ASTN2: variants seen among roughly 807,000 people sequenced by gnomAD.
ASTN2 encodes the protein astrotactin-2.
In ASTN2, 54 loss-of-function variants were observed where a neutral mutation model predicts 139.8. The observed-to-expected ratio is 0.39, with a 90% confidence interval of 0.31 to 0.48. The LOEUF is 0.48. ASTN2 is among the 20% of genes least tolerant of loss of function. The probability of loss-of-function intolerance (pLI) is 0.95; values close to 1 mark genes in which losing one functional copy is unlikely to be tolerated. For synonymous variants in ASTN2, 756 were observed against 719.5 expected (o/e 1.05, Z -0.81); for missense variants, 1,565 against 1,725.1 (o/e 0.91, Z 1.64).
intron 3 of ASTN2, among the ~76,000 whole-genome samples, chr9:117,157,633 C>T (rs759330278): frequency 6.6e-6 from 1 of 151,898 alleles, no homozygotes; most frequent in African/African-American, 2.4e-5. Context: ...TATGGTATAT[C>T]AAAGAAGAAT....
intron 19 of ASTN2, among the ~76,000 whole-genome samples, chr9:116,602,247 T>G (rs1477204069): frequency 6.6e-6 from 1 of 152,152 alleles, no homozygotes. Context: ...AGTGAACCAT[T>G]GTAGGCTATA....
intron 1 of ASTN2, among the ~76,000 whole-genome samples, chr9:117,344,832 C>A (rs962089030): frequency 6.6e-6 from 1 of 152,146 alleles, no homozygotes; most frequent in African/African-American, 2.4e-5. Context: ...GTGTGCAATA[C>A]TAATGTGAAT....
intron 7 of ASTN2, among the ~76,000 whole-genome samples, chr9:116,999,444 T>C (rs1837121554): frequency 6.6e-6 from 1 of 151,776 alleles, no homozygotes. Flanking sequence ...GTATGTAACA[T>C]ACTCAAGGTC....
intron 16 of ASTN2, among the ~76,000 whole-genome samples, chr9:116,707,285 C>CAAAA (rs766053427): frequency 0.044 from 2,690 of 60,550 alleles, 261 homozygotes; most frequent in African/African-American, 0.091. Flanking sequence ...GCCCCCTGAC[C>CAAAA]AAAAAAAAAA....
At chr9:117,053,154 C>T (rs1009453305) in intron 5 of ASTN2, among the ~76,000 whole-genome samples, 2 of 152,100 alleles carry the variant, frequency 1.3e-5, no homozygotes, top group Non-Finnish European at 2.9e-5. Flanking sequence ...TAAAACAATC[C>T]TCTGTGTAGG....
At chr9:116,880,495 A>AAAAT (rs959838211) in intron 10 of ASTN2, among the ~76,000 whole-genome samples, 7 of 152,182 alleles carry the variant, frequency 4.6e-5, no homozygotes, top group Admixed American at 2.6e-4. Context: ...TGGGCTTCAG[A>AAAAT]AAATAAATAA....
intron 3 of ASTN2, among the ~76,000 whole-genome samples, chr9:117,186,954 C>A (rs535399094): frequency 6.6e-6 from 1 of 152,212 alleles, no homozygotes; most frequent in South Asian, 2.1e-4. Flanking sequence ...CATGGTGAAA[C>A]CCCATCTCTA....
intron 13 of ASTN2, among the ~76,000 whole-genome samples, chr9:116,784,084 A>G (rs35549468): frequency 0.021 from 3,221 of 152,308 alleles, 43 homozygotes; most frequent in African/African-American, 0.044. Context: ...TTTAATCACT[A>G]TTTTCACAGA....
intron 10 of ASTN2, among the ~76,000 whole-genome samples, chr9:116,967,787 G>C (rs554555337): frequency 1.3e-5 from 2 of 152,002 alleles, no homozygotes; most frequent in Admixed American, 1.3e-4. Context: ...GCAATTCATC[G>C]AGTGACTGGC....
intron 1 of ASTN2, among the ~76,000 whole-genome samples, chr9:117,376,254 G>A (rs968201132): frequency 6.6e-6 from 1 of 152,130 alleles, no homozygotes; most frequent in Non-Finnish European, 1.5e-5. Context: ...GGTTCATAGA[G>A]GTAAAGTGAG....
intron 4 of ASTN2, among the ~76,000 whole-genome samples, chr9:117,134,166 A>G (rs1033401441): frequency 5.3e-5 from 8 of 151,602 alleles, no homozygotes; most frequent in African/African-American, 1.7e-4. Context: ...TTCAATATTT[A>G]AGCAGAGCAA....
intron 10 of ASTN2, among the ~76,000 whole-genome samples, chr9:116,947,451 T>C (rs1055752634): frequency 1.3e-5 from 2 of 152,340 alleles, no homozygotes; most frequent in Middle Eastern, 3.4e-3. Context: ...TCCATCTCAA[T>C]GACTTTCTTT....
chr9:117,075,031 T>C (rs904345892), intron 5 of ASTN2, among the ~76,000 whole-genome samples: 9 of 152,134 alleles, frequency 5.9e-5, no homozygotes, highest in Admixed American at 6.5e-5. Flanking sequence ...TGAGAATTTA[T>C]CATGTAGGCC....
chr9:117,094,865 C>G (rs1828800385), intron 5 of ASTN2, among the ~76,000 whole-genome samples: 1 of 152,164 alleles, frequency 6.6e-6, no homozygotes, highest in African/African-American at 2.4e-5. Flanking sequence ...GAGGCAGTTA[C>G]AAGGTACAGC....
intron 11 of ASTN2, among the ~76,000 whole-genome samples, chr9:116,831,097 A>C (rs1218835461): frequency 6.6e-6 from 1 of 152,182 alleles, no homozygotes; most frequent in Non-Finnish European, 1.5e-5. Context: ...CAGAAACGGA[A>C]AGTCAAATAT....
At chr9:116,956,607 G>T (rs943676282) in intron 10 of ASTN2, among the ~76,000 whole-genome samples, 1 of 151,684 alleles carries the variant, frequency 6.6e-6, no homozygotes, top group African/African-American at 2.4e-5. Flanking sequence ...AAGACATTCC[G>T]ATTGAAAAAG....
intron 4 of ASTN2, among the ~76,000 whole-genome samples, chr9:117,115,056 G>A (rs2050273): frequency 0.7 from 107,145 of 152,054 alleles, 37,758 homozygotes; most frequent in Middle Eastern, 0.79. Context: ...AGCCCTTTAC[G>A]AATTCCTGAC....
intron 19 of ASTN2, among the ~76,000 whole-genome samples, chr9:116,565,413 A>G (rs1354654778): frequency 9.2e-6 from 1 of 108,566 alleles, no homozygotes; most frequent in South Asian, 3.1e-4. Context: ...ATATATATAT[A>G]TATATATATA....
chr9:116,948,366 T>C (rs1835456143), intron 10 of ASTN2, among the ~76,000 whole-genome samples: 1 of 152,154 alleles, frequency 6.6e-6, no homozygotes, highest in South Asian at 2.1e-4. Context: ...ACTATATTAA[T>C]ATAATTATTT....
Sources: allele counts gnomAD v4.1 joint callset (sites outside exome capture counted in the v4.1 genomes callset), GRCh38; gene constraint gnomAD v4.1.1; transcripts MANE v1.5; gene names NCBI Gene and HGNC (gene_info 2026-07-23, HGNC 2026-07-21).